The following CNTLN variants were observed in gnomAD, a reference collection of about 807,000 sequenced individuals.
CNTLN encodes centlein, centrosomal protein.
CNTLN carries 212 observed loss-of-function variants against 180.0 expected under a neutral mutation model. The observed-to-expected ratio is 1.18, with a 90% confidence interval of 1.05 to 1.32. The LOEUF is 1.32. CNTLN is among the 40% of genes most tolerant of loss of function. CNTLN has a pLI of 0.00. For synonymous variants in CNTLN, 722 were observed against 563.1 expected, an observed-to-expected ratio of 1.28 and a Z score of -3.99; for missense variants, 2,095 against 1,610.9, an observed-to-expected ratio of 1.30 and a Z score of -5.14.
At chr9:17,321,519 A>G (rs1338235514) in intron 8 of CNTLN, among the ~76,000 whole-genome samples, 3 of 152,146 alleles carry the variant, frequency 2.0e-5, no homozygotes, top group African/African-American at 7.2e-5. Flanking sequence ...CAATTGTAGG[A>G]AGTAGGAAGT....
intron 2 of CNTLN, among the ~76,000 whole-genome samples, chr9:17,145,259 CTG>C (rs767627274): frequency 6.6e-6 from 1 of 152,134 alleles, no homozygotes; most frequent in Non-Finnish European, 1.5e-5. Context: ...ATTCTGATGT[CTG>C]TAGATTACAC....
At chr9:17,390,892 C>T (rs1037102506) in intron 14 of CNTLN, among the ~76,000 whole-genome samples, 11 of 152,020 alleles carry the variant, frequency 7.2e-5, no homozygotes, top group Non-Finnish European at 1.6e-4. Context: ...AGTTAACAGA[C>T]CTTAAAACCA....
chr9:17,247,736 T>C (rs141826777), intron 5 of CNTLN, among the ~76,000 whole-genome samples: 15 of 152,262 alleles, frequency 9.9e-5, no homozygotes, highest in African/African-American at 3.6e-4. Flanking sequence ...CACCAGGTGT[T>C]TTTCATTATG....
chr9:17,357,594 A>AT (rs199696459), intron 12 of CNTLN, among the ~76,000 whole-genome samples: 3,556 of 87,340 alleles, frequency 0.041, 195 homozygotes, highest in East Asian at 0.33. Flanking sequence ...ATATATATAT[A>AT]AATACTACAT....
Position 17,395,160 on chromosome 9 carries a change from T to C in CNTLN, c.2615+91T>C, listed in dbSNP as rs566673188. On this transcript the variant is annotated intron_variant, in intron 15 of 25. Transcript: ENST00000380647. ...GAGATTGAATTTCAACTACTGTCGA[T>C]TTGGTATTCAGAAAAAATACTGTCA... The C allele has an allele frequency of 4.1e-4, 602 of 1,467,450 alleles. 9 individuals carry two copies. In the South Asian group the frequency reaches 8.6e-3, roughly 21 times the overall value. 90.9% of individuals were successfully genotyped at this position (1,467,450 alleles called of 1,614,324 possible).
rs974177447 is a variant in CNTLN at position 17,188,953 on chromosome 9, A to G, written c.450-37250A>G. Reference sequence around the variant, plus strand: ...AATAATTTTTGGTTTGATACTTGACATTATGAATTTTATCTTACTGATTGT... The same window carrying G: ...AATAATTTTTGGTTTGATACTTGACGTTATGAATTTTATCTTACTGATTGT... On this transcript the variant is annotated intron_variant, in intron 2 of 25. Coordinates refer to ENST00000380647, the MANE Select transcript of CNTLN (RefSeq NM_017738.4). Among the ~76,000 whole-genome samples the G allele has an allele frequency of 2.7e-5, 4 of 150,452 alleles. No homozygotes were observed. In the Admixed American group the frequency reaches 2.7e-4, roughly 10 times the overall value.
intron 5 of CNTLN, among the ~76,000 whole-genome samples, chr9:17,243,038 G>A (rs573721987): frequency 3.3e-5 from 5 of 151,904 alleles, no homozygotes; most frequent in Admixed American, 2.6e-4. Context: ...TCAGGTTTTG[G>A]ATTTATTCGT....
At chr9:17,434,910 C>G (rs1829670350) in intron 18 of CNTLN, among the ~76,000 whole-genome samples, 1 of 151,810 alleles carries the variant, frequency 6.6e-6, no homozygotes, top group African/African-American at 2.4e-5. Context: ...GTTAAGAAAT[C>G]TACTGTCATT....
In CNTLN at chr9:17,259,519, T is replaced by G. The variant is rs550690657; in HGVS notation, c.850-14214T>G. Among the ~76,000 whole-genome samples, 8 of 150,232 alleles carry G rather than the reference T, an allele frequency of 5.3e-5. No homozygotes were observed. The East Asian group carries it at 1.6e-3, about 29-fold the overall frequency. On this transcript the variant is annotated intron_variant, in intron 5 of 25. Coordinates refer to ENST00000380647, the MANE Select transcript of CNTLN (RefSeq NM_017738.4). ...TGAGTTTGGGAGGATTCCCTCTTTT[T>G]CTATTGATTGGAATAGTTTCAGAAG...
intron 15 of CNTLN, among the ~76,000 whole-genome samples, chr9:17,398,433 G>A (rs1587883939): frequency 6.6e-6 from 1 of 152,252 alleles, no homozygotes; most frequent in East Asian, 1.9e-4. Context: ...ATTAATAGGT[G>A]ATTGGTGAAA....
intron 2 of CNTLN, among the ~76,000 whole-genome samples, chr9:17,202,910 G>GC (rs1822650351): frequency 6.6e-6 from 1 of 152,012 alleles, no homozygotes; most frequent in Non-Finnish European, 1.5e-5. Flanking sequence ...TGCATTAGGT[G>GC]ATGCAGTTTC....
intron 5 of CNTLN, among the ~76,000 whole-genome samples, chr9:17,263,799 A>G (rs1827193473): frequency 6.9e-6 from 1 of 144,520 alleles, no homozygotes; most frequent in South Asian, 2.4e-4. Context: ...GCCAGTGATG[A>G]TGAGCATTTT....
intron 18 of CNTLN, among the ~76,000 whole-genome samples, chr9:17,450,638 A>C (rs756010987): frequency 6.6e-6 from 1 of 152,182 alleles, no homozygotes; most frequent in Non-Finnish European, 1.5e-5. Context: ...ACTGAAGTCT[A>C]ACTACTAGCA....
chr9:17,336,787 A>G (rs1304094559), intron 10 of CNTLN, among the ~76,000 whole-genome samples: 2 of 152,224 alleles, frequency 1.3e-5, no homozygotes, highest in Non-Finnish European at 2.9e-5. Flanking sequence ...TACATGTGCC[A>G]TGGTGGTTTG....
In CNTLN at chr9:17,242,974, CT is replaced by C. The variant is rs369994736; in HGVS notation, c.849+6390del. 5.0e-3 allele frequency among the ~76,000 whole-genome samples: 758 copies of C among 152,150 alleles called. 4 individuals are homozygous for C. Among genetic ancestry groups the C allele is most frequent in the African/African-American group, 0.017 (704 of 41,520 alleles). On this transcript the variant is annotated intron_variant, in intron 5 of 25. Coordinates refer to ENST00000380647, the MANE Select transcript of CNTLN (RefSeq NM_017738.4). The stretch of plus-strand genomic sequence containing the variant: ...AATCAGCGGTGAAGCTGGGAGATGT[CT>C]TTTCTGGTAGACTTTAATAAGGCTT...
chr9:17,457,564 A>G lies in CNTLN; in HGVS notation c.3155A>G (p.Glu1052Gly). 6.6e-7 allele frequency: 1 copy of G among 1,525,514 alleles called. No individual in the cohort carries two copies. The highest frequency in any genetic ancestry group is 8.8e-7 in the Non-Finnish European group (1 of 1,134,548). 94.5% of individuals were successfully genotyped at this position (1,525,514 alleles called of 1,614,324 possible). ...TTGGCTGGGCTTCGGAAAGAAAAAGAAGATTTACTAAAGAAATTGGAGTCC... is the reference window on the plus strand; with the variant it reads ...TTGGCTGGGCTTCGGAAAGAAAAAGGAGATTTACTAAAGAAATTGGAGTCC... ...LDLAGLRKEK[E>G]DLLKKLESSS... Residue 1052 changes from glutamate to glycine, a missense_variant, in exon 19 of 26, where the codon GAA (glutamate) becomes GGA (glycine). Coordinates refer to ENST00000380647, the MANE Select transcript of CNTLN (RefSeq NM_017738.4).
In CNTLN at chr9:17,312,589, G is replaced by C. The variant is rs1251394956; in HGVS notation, c.1341+3337G>C. On this transcript the variant is annotated intron_variant, in intron 8 of 25. Transcript: ENST00000380647. ...TTTTTTTTTTTTTGTATTTTTAGTA[G>C]AGACAAGGTTTCACCGTGTTAGCCA... Among the ~76,000 whole-genome samples the C allele has an allele frequency of 9.3e-5, 12 of 128,390 alleles. 1 individual carries two copies. Among genetic ancestry groups the C allele is most frequent in the African/African-American group, 3.5e-4 (12 of 33,836 alleles). 84.2% of individuals were successfully genotyped at this position (128,390 alleles called of 152,430 possible). A position where few individuals can be genotyped will look rare whatever the true frequency, so the allele number is the denominator to read the frequency against.
chr9:17,147,874 T>C (rs890941776), intron 2 of CNTLN, among the ~76,000 whole-genome samples: 2 of 152,214 alleles, frequency 1.3e-5, no homozygotes, highest in African/African-American at 2.4e-5. Flanking sequence ...CCCTGTATTA[T>C]TGGTTTCAAC....
At chr9:17,494,839 A>C in intron 25 of CNTLN, 1 of 397,840 alleles carries the variant, frequency 2.5e-6, no homozygotes, top group South Asian at 1.9e-5. Flanking sequence ...AATGATAATA[A>C]ATGTCTGTTA....
Sources: allele counts gnomAD v4.1 joint callset (sites outside exome capture counted in the v4.1 genomes callset), GRCh38; gene constraint gnomAD v4.1.1; transcripts MANE v1.5; gene names NCBI Gene and HGNC (gene_info 2026-07-23, HGNC 2026-07-21).